PTPRD: variants seen among roughly 807,000 people sequenced by gnomAD.
PTPRD encodes protein tyrosine phosphatase receptor type D.
A neutral mutation model predicts 214.5 loss-of-function variants in PTPRD; 34 were observed. That is an observed-to-expected ratio of 0.16 (90% confidence interval 0.12 to 0.21). PTPRD has a LOEUF of 0.21. Among genes scored for constraint, PTPRD ranks in the 10% least tolerant of loss-of-function variants. The pLI is 1.00. For synonymous variants in PTPRD, 1,128 were observed against 845.7 expected (o/e 1.33, Z -5.79); for missense variants, 2,545 against 2,398.7 (o/e 1.06, Z -1.27).
intron 8 of PTPRD, among the ~76,000 whole-genome samples, chr9:9,432,055 T>A (rs1428422795): frequency 8.6e-6 from 1 of 116,514 alleles, no homozygotes; most frequent in African/African-American, 3.0e-5. Context: ...AGTATAATAA[T>A]AATAATAATA....
intron 11 of PTPRD, among the ~76,000 whole-genome samples, chr9:8,825,240 G>A (rs1035213804): frequency 2.0e-5 from 3 of 152,122 alleles, no homozygotes; most frequent in Non-Finnish European, 4.4e-5. Context: ...AAGGTATGTG[G>A]CCAGTTTTCT....
intron 5 of PTPRD, among the ~76,000 whole-genome samples, chr9:9,777,322 C>T (rs527494937): frequency 5.7e-4 from 80 of 140,626 alleles, no homozygotes; most frequent in African/African-American, 1.9e-3. Context: ...TATGCACATA[C>T]ATGCACACAC....
chr9:9,330,716 T>A (rs187162412), intron 9 of PTPRD, among the ~76,000 whole-genome samples: 24 of 152,058 alleles, frequency 1.6e-4, no homozygotes, highest in Non-Finnish European at 3.1e-4. Context: ...AACTCATATA[T>A]AATATTGATT....
intron 2 of PTPRD, among the ~76,000 whole-genome samples, chr9:10,593,495 T>G (rs2075981155): frequency 6.6e-6 from 1 of 152,040 alleles, no homozygotes; most frequent in Non-Finnish European, 1.5e-5. Context: ...TTCATATTAA[T>G]AGACTGGTTA....
At chr9:9,764,624 A>G (rs1565087632) in intron 6 of PTPRD, among the ~76,000 whole-genome samples, 1 of 152,224 alleles carries the variant, frequency 6.6e-6, no homozygotes, top group Non-Finnish European at 1.5e-5. Context: ...CATATTTATT[A>G]TATGTTTATT....
At chr9:8,460,241 A>G (rs746713114) in intron 33 of PTPRD, 170 bp downstream of exon 33, 1 of 819,248 alleles carries the variant, frequency 1.2e-6, no homozygotes, top group Admixed American at 2.0e-5. Context: ...CAAATAGTAC[A>G]GTCTTTACAT....
At chr9:9,772,416 C>G (rs528102448) in intron 5 of PTPRD, among the ~76,000 whole-genome samples, 2 of 152,278 alleles carry the variant, frequency 1.3e-5, no homozygotes, top group East Asian at 3.9e-4. Flanking sequence ...TAGAGTGTAG[C>G]TTTACACAAA....
intron 8 of PTPRD, among the ~76,000 whole-genome samples, chr9:9,539,863 T>C (rs1591112018): frequency 6.6e-6 from 1 of 151,862 alleles, no homozygotes; most frequent in Non-Finnish European, 1.5e-5. Flanking sequence ...TAGGAATCCA[T>C]TTTTTAAATC....
intron 9 of PTPRD, among the ~76,000 whole-genome samples, chr9:9,263,311 T>G (rs767895576): frequency 6.6e-6 from 1 of 151,670 alleles, no homozygotes; most frequent in Non-Finnish European, 1.5e-5. Context: ...TATAGGAGAA[T>G]TGAGGGAATA....
At position 10,523,848 on chromosome 9, in the gene PTPRD, C is replaced by A. The variant is rs376774366; in HGVS notation, c.-600+88550G>T. Among the ~76,000 whole-genome samples, 13 of 151,536 alleles carry A rather than the reference C, an allele frequency of 8.6e-5. No individual in the cohort carries two copies. The East Asian group carries it at 1.7e-3, about 20-fold the overall frequency. On this transcript the variant is annotated intron_variant, in intron 2 of 45. Transcript: ENST00000381196. Reference sequence around the variant, plus strand: ...GGGGCCTAACTATATATTCTAGATACCAAAAACTTTTATCATTTAATTAAT... The same window carrying A: ...GGGGCCTAACTATATATTCTAGATAACAAAAACTTTTATCATTTAATTAAT...
At chr9:9,932,835 G>A (rs1394069519) in intron 5 of PTPRD, among the ~76,000 whole-genome samples, 15 of 127,550 alleles carry the variant, frequency 1.2e-4, no homozygotes, top group East Asian at 1.1e-3. Flanking sequence ...GAGAAAGGTC[G>A]GGTTACCCTC....
chr9:8,527,633 C>T (rs767799904), intron 15 of PTPRD, among the ~76,000 whole-genome samples: 74 of 152,024 alleles, frequency 4.9e-4, no homozygotes, highest in Non-Finnish European at 8.7e-4. Context: ...GAATTCTATA[C>T]CAATATTACT....
At chr9:9,209,148 G>T (rs1479557633) in intron 9 of PTPRD, among the ~76,000 whole-genome samples, 1 of 152,072 alleles carries the variant, frequency 6.6e-6, no homozygotes, top group African/African-American at 2.4e-5. Context: ...CACCAATGAT[G>T]TAGTTTCAAG....
intron 10 of PTPRD, among the ~76,000 whole-genome samples, chr9:9,044,095 T>G (rs2154385646): frequency 6.6e-6 from 1 of 152,258 alleles, no homozygotes; most frequent in African/African-American, 2.4e-5. Flanking sequence ...TACCTTAAAC[T>G]TCCACAAAGA....
chr9:10,560,571 A>T (rs1012386545), intron 2 of PTPRD, among the ~76,000 whole-genome samples: 35 of 152,082 alleles, frequency 2.3e-4, no homozygotes, highest in African/African-American at 8.5e-4. Flanking sequence ...TAAAAACAAT[A>T]AAAAAATAAA....
intron 7 of PTPRD, among the ~76,000 whole-genome samples, chr9:9,701,235 C>A (rs746530619): frequency 1.3e-5 from 2 of 151,932 alleles, no homozygotes; most frequent in African/African-American, 2.4e-5. Context: ...AAACTTAGAG[C>A]AAATAACTAA....
chr9:9,539,009 T>TA (rs2077052705), intron 8 of PTPRD, among the ~76,000 whole-genome samples: 1 of 151,860 alleles, frequency 6.6e-6, no homozygotes, highest in Non-Finnish European at 1.5e-5. Context: ...ATGTTCCTGT[T>TA]ATGGAGCTTA....
intron 12 of PTPRD, among the ~76,000 whole-genome samples, chr9:8,654,915 T>G (rs911941719): frequency 6.6e-6 from 1 of 152,118 alleles, no homozygotes; most frequent in Non-Finnish European, 1.5e-5. Flanking sequence ...TTTTTTTCTG[T>G]TAGACTTTCC....
In PTPRD at chr9:9,794,425, A is replaced by G. The variant is rs374221920; in HGVS notation, c.-367-27574T>C. Among the ~76,000 whole-genome samples the G allele has an allele frequency of 1.8e-4, 27 of 152,170 alleles. No individual in the cohort carries two copies. The East Asian group carries it at 5.0e-3, about 28-fold the overall frequency. On this transcript the variant is annotated intron_variant, in intron 5 of 45. Coordinates refer to ENST00000381196, the MANE Select transcript of PTPRD (RefSeq NM_002839.4). ...GAAAGGTATGGAGACTTAACGATTT[A>G]TGGTATTTGGGGTACTGGTGGCAGA...
Sources: allele counts gnomAD v4.1 joint callset (sites outside exome capture counted in the v4.1 genomes callset), GRCh38; gene constraint gnomAD v4.1.1; transcripts MANE v1.5; gene names NCBI Gene and HGNC (gene_info 2026-07-23, HGNC 2026-07-21).